CD177: variants seen among roughly 807,000 people sequenced by gnomAD.
The protein encoded by CD177 is CD177 antigen.
In CD177, 41 loss-of-function variants were observed where a neutral mutation model predicts 38.1. The ratio of observed to expected loss-of-function variants is 1.07; its 90% CI spans 0.84 to 1.39. CD177 has a LOEUF of 1.39. CD177 is among the 40% of genes most tolerant of loss of function. The pLI is 0.00. For synonymous variants in CD177, 236 were observed against 216.7 expected, an observed-to-expected ratio of 1.09 and a Z score of -0.78; for missense variants, 619 against 523.8, an observed-to-expected ratio of 1.18 and a Z score of -1.77.
In CD177 at chr19:43,354,281, C is replaced by T. The variant is rs753803516; in HGVS notation, c.268C>T (p.Arg90Trp). 1.9e-6 allele frequency: 3 copies of T among 1,613,944 alleles called. No individual in the cohort carries two copies. The highest frequency in any genetic ancestry group is 1.1e-5 in the South Asian group (1 of 91,082). ...KDQEPRVTEH[R>W]MGPGLSLISY... ...CCAGGAGCCCCGCGTCACTGAGCAC[C>T]GGATGGGCCCCGGCCTCTCCCTGAT... Residue 90 changes from arginine to tryptophan, a missense_variant, in exon 3 of 9, where the codon CGG (arginine) becomes TGG (tryptophan). Arg to Trp is a moderately radical substitution (Grantham distance 101, BLOSUM62 -3). Coordinates refer to ENST00000618265, the MANE Select transcript of CD177 (RefSeq NM_020406.4).
intron 3 of CD177, chr19:43,354,618 G>C (rs1231279176): frequency 1.7e-6 from 1 of 593,572 alleles, no homozygotes; most frequent in Non-Finnish European, 3.0e-6. Flanking sequence ...GGGAATCCCC[G>C]CACCCCTCCT....
At chr19:43,359,986 A>C (rs35940623) in intron 5 of CD177, among the ~76,000 whole-genome samples, 17,313 of 149,842 alleles carry the variant, frequency 0.12, 1,143 homozygotes, top group East Asian at 0.17. Flanking sequence ...TGGGATGAGG[A>C]TAAGGAAGAG....
Position 43,361,135 on chromosome 19 carries a change from A to G in CD177, c.761-8A>G. ...AGTCCCCAGCCCAGCTTTCCCTCTC[A>G]CCCTCAGGACTCACATCAACCCTGG... On this transcript the variant is annotated splice_region_variant and splice_polypyrimidine_tract_variant and intron_variant, in intron 6 of 8. Coordinates refer to ENST00000618265, the MANE Select transcript of CD177 (RefSeq NM_020406.4). 6.9e-7 allele frequency: 1 copy of G among 1,458,244 alleles called. No individual in the cohort carries two copies. The highest frequency in any genetic ancestry group is 9.6e-7 in the Non-Finnish European group (1 of 1,039,810). 90.3% of individuals were successfully genotyped at this position (1,458,244 alleles called of 1,614,324 possible).
intron 5 of CD177, 86 bp from the exon 6 acceptor site, chr19:43,360,179 T>A (rs140095154): frequency 6.1e-6 from 9 of 1,476,330 alleles, no homozygotes; most frequent in South Asian, 5.3e-5. Flanking sequence ...GACTCAAGAG[T>A]GTGATCACCT....
Position 43,353,840 on chromosome 19 carries a change from C to A in CD177, c.53-13C>A. The A allele has an allele frequency of 6.2e-7, 1 of 1,613,814 alleles. No homozygotes were observed. The highest frequency in any genetic ancestry group is 8.5e-7 in the Non-Finnish European group (1 of 1,179,814). ...GGAACCCTGCTGAGATGGATTTGCT[C>A]TTGCCACTCCAGGAGTGCAGGCGCT... On this transcript the variant is annotated splice_polypyrimidine_tract_variant and intron_variant, in intron 1 of 8. Coordinates refer to ENST00000618265, the MANE Select transcript of CD177 (RefSeq NM_020406.4).
In CD177 at chr19:43,361,254, C is replaced by A. The variant is rs1490319183; in HGVS notation, c.872C>A (p.Thr291Asn). The A allele has an allele frequency of 1.3e-6, 2 of 1,532,952 alleles. No individual in the cohort carries two copies. The highest frequency in any genetic ancestry group is 9.0e-7 in the Non-Finnish European group (1 of 1,111,920). The allele number at this position is 1,532,952 out of a possible 1,614,324, so 95.0% of individuals were successfully genotyped here. ...APPGVLVASY[T>N]HFCSSDLCNS... ...CCTGGGGTGCTTGTGGCCTCCTATA[C>A]CCACTTCTGCTCCTCGGACCTGTGC... The change falls in exon 7 of 9, where the codon ACC becomes AAC. Residue 291 changes from threonine to asparagine, a missense_variant. Coordinates refer to ENST00000618265, the MANE Select transcript of CD177 (RefSeq NM_020406.4).
chr19:43,360,876 G>C (rs1306571838), intron 6 of CD177: 1 of 564,976 alleles, frequency 1.8e-6, no homozygotes, highest in Non-Finnish European at 3.2e-6. Flanking sequence ...AAAAGTGAGG[G>C]GAAGGCTGCA....
At chr19:43,359,797 G>A (rs1266050068) in intron 5 of CD177, among the ~76,000 whole-genome samples, 4 of 109,750 alleles carry the variant, frequency 3.6e-5, no homozygotes, top group Admixed American at 1.0e-4. Context: ...GGATCTGTGG[G>A]AAGCAATGAG....
intron 6 of CD177, chr19:43,360,942 A>G (rs1969953505): frequency 1.6e-6 from 1 of 612,226 alleles, no homozygotes; most frequent in African/African-American, 1.9e-5. Flanking sequence ...TTGAGCGAGA[A>G]CTGGGAGGAG....
intron 2 of CD177, 80 bp downstream of exon 2, chr19:43,354,073 C>T (rs1969883142): frequency 1.3e-6 from 2 of 1,574,462 alleles, no homozygotes; most frequent in Non-Finnish European, 1.7e-6. Flanking sequence ...GGGAGCCACC[C>T]CTCCGGGGGA....
rs1399705674 is a variant in CD177, at chr19:43,354,370, T to G, written c.357T>G (p.Leu119=). The G allele has an allele frequency of 6.2e-7, 1 of 1,613,812 alleles. No individual in the cohort carries two copies. The highest frequency in any genetic ancestry group is 8.5e-7 in the Non-Finnish European group (1 of 1,179,852). Residue 119 remains leucine (L), a synonymous_variant, in exon 3 of 9, where the codon CTT becomes CTG. Transcript: ENST00000618265. ...ACAACCTCGTTAACTCCCTCCCGCT[T>G]TGGGCCCCACAGCCCCCAGCAGGTG... ...FCNNLVNSLP[L]WAPQPPADPG...
downstream of CD177, among the ~76,000 whole-genome samples, chr19:43,363,543 A>G (rs1970003893): frequency 6.6e-6 from 1 of 152,212 alleles, no homozygotes; most frequent in South Asian, 2.1e-4. Context: ...GAAGTGGGGA[A>G]CTAAAATTCC....
At position 43,353,710 on chromosome 19, in the gene CD177, G is replaced by GGGCT; in HGVS notation, c.-3_-2insCTGG. On this transcript the variant is annotated 5_prime_UTR_variant, in exon 1 of 9. Transcript: ENST00000618265. Reference sequence around the variant, plus strand: ...CAGAAAGAGATTACCAGCCACAGACGGGTCATGAGCGCGGTATTACTGCTG... The same window carrying GGGCT: ...CAGAAAGAGATTACCAGCCACAGACGGGCTGGTCATGAGCGCGGTATTACTGCTG... The GGGCT allele has an allele frequency of 6.2e-6, 10 of 1,613,798 alleles. No individual in the cohort carries two copies. Among genetic ancestry groups the GGGCT allele is most frequent in the Non-Finnish European group, 7.6e-6 (9 of 1,179,826 alleles).
Position 43,353,874 on chromosome 19 carries a change from A to C in CD177, c.74A>C (p.Gln25Pro). 6.2e-7 allele frequency: 1 copy of C among 1,613,810 alleles called. No individual in the cohort carries two copies. Among genetic ancestry groups the C allele is most frequent in the Non-Finnish European group, 8.5e-7 (1 of 1,179,844 alleles). The change falls in exon 2 of 9, where the codon CAG (glutamine) becomes CCG (proline). Residue 25 changes from glutamine to proline, a missense_variant. Coordinates refer to ENST00000618265, the MANE Select transcript of CD177 (RefSeq NM_020406.4). ...CCAGGAGTGCAGGCGCTGCTCTGCC[A>C]GTTTGGGACAGTTCAGCATGTGTGG... Reference protein sequence around the residue: ...PLPGVQALLCQFGTVQHVWKV... With the variant: ...PLPGVQALLCPFGTVQHVWKV...
rs182730265 is a variant in CD177, at chr19:43,355,922, G to T, written c.503-70G>T. The T allele has an allele frequency of 2.6e-3, 2,999 of 1,139,088 alleles. 64 individuals carry two copies. The highest frequency in any genetic ancestry group is 0.02 in the Admixed American group (1,008 of 49,342). The allele number at this position is 1,139,088 out of a possible 1,614,324, so 70.6% of individuals were successfully genotyped here. ...GGTGGGCCTGGCTTCCTGGAGCTAT[G>T]CCTGCCTCTGAGGGTTGGGTGGTCC... is the stretch of plus-strand genomic sequence containing the variant. On this transcript the variant is annotated intron_variant, in intron 4 of 8. Transcript: ENST00000618265.
At chr19:43,355,372 A>G in intron 3 of CD177, 1 of 408,212 alleles carries the variant, frequency 2.4e-6, no homozygotes, top group African/African-American at 2.1e-5. Context: ...TCAGCCTCCC[A>G]AAGTGCTGGG....
In CD177 at chr19:43,353,859, A is replaced by G. The variant is rs1457530168; in HGVS notation, c.59A>G (p.Gln20Arg). The change falls in exon 2 of 9, where the codon CAG (glutamine) becomes CGG (arginine). Residue 20 changes from glutamine (Q) to arginine (R), a missense_variant. Gln to Arg is a conservative substitution (Grantham distance 43). Coordinates refer to ENST00000618265, the MANE Select transcript of CD177 (RefSeq NM_020406.4). ...TTTGCTCTTGCCACTCCAGGAGTGC[A>G]GGCGCTGCTCTGCCAGTTTGGGACA... ...LGFILPLPGV[Q>R]ALLCQFGTVQ... 3 of 1,613,880 alleles carry G rather than the reference A, an allele frequency of 1.9e-6. No homozygotes were observed.
At position 43,353,849 on chromosome 19, in the gene CD177, C is replaced by A; in HGVS notation, c.53-4C>A. The A allele has an allele frequency of 6.2e-7, 1 of 1,613,884 alleles. No individual in the cohort carries two copies. Among genetic ancestry groups the A allele is most frequent in the African/African-American group, 1.3e-5 (1 of 74,994 alleles). On this transcript the variant is annotated splice_region_variant and splice_polypyrimidine_tract_variant and intron_variant, in intron 1 of 8. Coordinates refer to ENST00000618265, the MANE Select transcript of CD177 (RefSeq NM_020406.4). ...CTGAGATGGATTTGCTCTTGCCACTCCAGGAGTGCAGGCGCTGCTCTGCCA... is the reference window on the plus strand; with the variant it reads ...CTGAGATGGATTTGCTCTTGCCACTACAGGAGTGCAGGCGCTGCTCTGCCA...
rs1299312659 is a variant in CD177, at chr19:43,363,021, A to G, written c.*701A>G. The stretch of plus-strand genomic sequence containing the variant: ...CCAATACACACCCAGGATGGACGCT[A>G]GAGTCGACTGCTCCTAGGCTACAAG... On this transcript the variant is annotated 3_prime_UTR_variant, in exon 9 of 9. Transcript: ENST00000618265. 6.6e-6 allele frequency: 1 copy of G among 152,212 alleles called. No homozygotes were observed. The highest frequency in any genetic ancestry group is 2.4e-5 in the African/African-American group (1 of 41,444). The allele number at this position is 152,212 out of a possible 1,614,324, so 9.4% of individuals were successfully genotyped here. A position where few individuals can be genotyped will look rare whatever the true frequency, so the allele number is the denominator to read the frequency against.
Sources: gnomAD v4.1 joint callset for allele counts (sites outside exome capture counted in the v4.1 genomes callset) on GRCh38, gnomAD v4.1.1 for gene constraint, MANE v1.5 for transcripts, NCBI Gene and HGNC (gene_info 2026-07-23, HGNC 2026-07-21) for gene names.